The following TATDN2 variants were observed in gnomAD, a reference collection of about 807,000 sequenced individuals.
The protein encoded by TATDN2 is 3'-5' RNA nuclease TATDN2.
In TATDN2, 44 loss-of-function variants were observed where a neutral mutation model predicts 60.3. The ratio of observed to expected loss-of-function variants is 0.73; its 90% CI spans 0.57 to 0.94. The LOEUF is 0.94. Ranked by LOEUF, TATDN2 falls within the 40% of genes least tolerant of loss-of-function variation. The pLI, the probability that TATDN2 is intolerant of heterozygous loss-of-function variation, is 0.00. For missense variants in TATDN2, 997 were observed against 948.0 expected (o/e 1.05, Z -0.68); for synonymous variants, 399 against 355.8 (o/e 1.12, Z -1.37).
chr3:10,254,980 TC>T (rs747443004), intron 2 of TATDN2, among the ~76,000 whole-genome samples: 2 of 141,830 alleles, frequency 1.4e-5, no homozygotes, highest in Non-Finnish European at 3.0e-5. Context: ...TCTCTTTTTT[TC>T]CCCCTTCCCC....
In TATDN2 at chr3:10,260,669, AG is replaced by A; in HGVS notation, c.948+1del. 6.2e-7 allele frequency: 1 copy of A among 1,611,050 alleles called. No individual in the cohort carries two copies. Among genetic ancestry groups the A allele is most frequent in the Middle Eastern group, 1.7e-4 (1 of 6,050 alleles). On this transcript the variant is annotated frameshift_variant and splice_region_variant, in exon 3 of 8. Transcript: ENST00000448281. LOFTEE classifies it high-confidence loss of function. Reference protein sequence around the residue: ...DDSDSHLEIQKHKDREVVMEH... With the variant: ...DDSDSHLEIQXHKDREVVMEH... ...TCTGACTCTCATTTAGAAATCCAAA[AG>A]GTGAGTAAAGCTTGTACCAGGCATC...
chr3:10,281,168 C>T lies in TATDN2; in HGVS notation c.*1986C>T, dbSNP rs959750601. 6.6e-6 allele frequency: 1 copy of T among 152,004 alleles called. No homozygotes were observed. The highest frequency in any genetic ancestry group is 2.4e-5 in the African/African-American group (1 of 41,362). 9.4% of individuals were successfully genotyped at this position (152,004 alleles called of 1,614,324 possible). ...TGTGGGAATGCCTCTGTATTTTTTC[C>T]CCTCTTTGGCCATCTTTTTCTGAAA... On this transcript the variant is annotated 3_prime_UTR_variant, in exon 8 of 8. Transcript: ENST00000448281.
At chr3:10,273,786 C>T (rs1698598737) in intron 4 of TATDN2, among the ~76,000 whole-genome samples, 1 of 152,144 alleles carries the variant, frequency 6.6e-6, no homozygotes, top group African/African-American at 2.4e-5. Flanking sequence ...GAGCAAATTA[C>T]TGTTAACGTT....
chr3:10,255,787 C>T lies in TATDN2; in HGVS notation c.415-4350C>T, dbSNP rs377118313. ...AGAAACCTCGTCTCTACCAAAAATACGAAATGTAGCTGGGTGTGGTAGCAC... is the reference window on the plus strand; with the variant it reads ...AGAAACCTCGTCTCTACCAAAAATATGAAATGTAGCTGGGTGTGGTAGCAC... On this transcript the variant is annotated intron_variant, in intron 2 of 7. Transcript: ENST00000448281. Among the ~76,000 whole-genome samples the T allele has an allele frequency of 1.0e-3, 156 of 152,198 alleles. 3 individuals carry two copies. Among genetic ancestry groups the T allele is most frequent in the Middle Eastern group, 0.01 (3 of 294 alleles).
intron 2 of TATDN2, among the ~76,000 whole-genome samples, chr3:10,253,499 C>T (rs778177993): frequency 6.6e-6 from 1 of 152,202 alleles, no homozygotes; most frequent in Admixed American, 6.5e-5. Flanking sequence ...GGAGATGTTT[C>T]ATGTTAGCTG....
At chr3:10,264,998 T>G (rs1215632202) in intron 3 of TATDN2, among the ~76,000 whole-genome samples, 2 of 143,806 alleles carry the variant, frequency 1.4e-5, no homozygotes, top group Non-Finnish European at 3.0e-5. Context: ...CTAACGTTTA[T>G]GTTGATTTTT....
At chr3:10,267,507 A>T (rs1391493837) in intron 3 of TATDN2, among the ~76,000 whole-genome samples, 1 of 152,190 alleles carries the variant, frequency 6.6e-6, no homozygotes, top group Non-Finnish European at 1.5e-5. Context: ...TGAGAACTGT[A>T]TGTGGCAATT....
rs1299777947 is a variant in TATDN2, at chr3:10,278,907, A to G, written c.2168A>G (p.Tyr723Cys). The G allele has an allele frequency of 1.2e-6, 2 of 1,613,606 alleles. No individual in the cohort carries two copies. The highest frequency in any genetic ancestry group is 1.7e-6 in the Non-Finnish European group (2 of 1,179,902). Residue 723 changes from tyrosine to cysteine, a missense_variant, in exon 7 of 8, where the codon TAT (tyrosine) becomes TGT (cysteine). Tyr to Cys is a radical substitution (Grantham distance 194, BLOSUM62 -2). Coordinates refer to ENST00000448281, the MANE Select transcript of TATDN2 (RefSeq NM_014760.4). This position sits in a 1 kb window ranked among gnomAD's most constrained non-coding sequence, Gnocchi z 4.7. ...CAGGTTCCCAAAAGCCTTTGCCAGT[A>G]TGCCCACCCGGGCCTGGCCTTGCAT... is the stretch of plus-strand genomic sequence containing the variant. ...PRQVPKSLCQYAHPGLALHTV... is the reference protein window; with the variant it reads ...PRQVPKSLCQCAHPGLALHTV...
Position 10,249,297 on chromosome 3 carries a change from GC to G in TATDN2, c.102del (p.Ser35ProfsTer21). ...RSCLREPCDV[A>X]PSSRPAQRSA... ...CTGCCTCCGGGAGCCCTGTGATGTG[GC>G]CCCCTCCAGCCGGCCAGCTCAGAGG... On this transcript the variant is annotated frameshift_variant, in exon 2 of 8. Coordinates refer to ENST00000448281, the MANE Select transcript of TATDN2 (RefSeq NM_014760.4). LOFTEE classifies it high-confidence loss of function. The G allele has an allele frequency of 6.2e-7, 1 of 1,604,860 alleles. No homozygotes were observed.
intron 4 of TATDN2, among the ~76,000 whole-genome samples, chr3:10,275,122 A>AT (rs931527480): frequency 6.6e-6 from 1 of 151,002 alleles, no homozygotes; most frequent in African/African-American, 2.4e-5. Context: ...AGTAGCTGGG[A>AT]TTATAGGCAC....
At chr3:10,252,750 G>A in intron 2 of TATDN2, among the ~76,000 whole-genome samples, 1 of 151,404 alleles carries the variant, frequency 6.6e-6, no homozygotes, top group Non-Finnish European at 1.5e-5. Flanking sequence ...GAGTGCACTG[G>A]CATGATCATA....
At chr3:10,267,681 G>A (rs183330702) in intron 3 of TATDN2, among the ~76,000 whole-genome samples, 13 of 152,328 alleles carry the variant, frequency 8.5e-5, no homozygotes, top group African/African-American at 3.1e-4. Flanking sequence ...TTTATTCCAA[G>A]TTGCAAATAG....
intron 3 of TATDN2, among the ~76,000 whole-genome samples, chr3:10,263,942 A>G (rs1447395047): frequency 6.6e-6 from 1 of 151,964 alleles, no homozygotes; most frequent in Non-Finnish European, 1.5e-5. Context: ...TGCCCAGAGG[A>G]GTGTTTTTCA....
At chr3:10,262,579 A>AG (rs1464363952) in intron 3 of TATDN2, among the ~76,000 whole-genome samples, 1 of 115,544 alleles carries the variant, frequency 8.7e-6, no homozygotes, top group Admixed American at 1.4e-4. Context: ...TGTCTTGCCC[A>AG]GGCTGGAGTG....
intron 2 of TATDN2, among the ~76,000 whole-genome samples, chr3:10,255,831 ACTCAGGAGG>A (rs1162403266): frequency 6.6e-6 from 1 of 152,076 alleles, no homozygotes; most frequent in Non-Finnish European, 1.5e-5. Flanking sequence ...AATCCCAACT[ACTCAGGAGG>A]CTGAGGCAGG....
chr3:10,255,092 C>T (rs1698288872), intron 2 of TATDN2, among the ~76,000 whole-genome samples: 5 of 143,248 alleles, frequency 3.5e-5, no homozygotes, highest in African/African-American at 7.6e-5. Flanking sequence ...CTCACTGCAT[C>T]CTTGACCTCC....
rs1169157476 is a variant in TATDN2, at chr3:10,260,231, T to C, written c.509T>C (p.Val170Ala). Residue 170 changes from valine to alanine, a missense_variant, in exon 3 of 8, where the codon GTC becomes GCC. Coordinates refer to ENST00000448281, the MANE Select transcript of TATDN2 (RefSeq NM_014760.4). ...GATACAATTGAGGAACCCAACAAGG[T>C]CCAGAAAAGGAAGAGGGATAGACTT... Reference protein sequence around the residue: ...QNDTIEEPNKVQKRKRDRLRD... With the variant: ...QNDTIEEPNKAQKRKRDRLRD... The C allele has an allele frequency of 6.2e-7, 1 of 1,613,618 alleles. No individual in the cohort carries two copies. The highest frequency in any genetic ancestry group is 1.1e-5 in the South Asian group (1 of 91,034).
chr3:10,256,284 C>G (rs1453905484), intron 2 of TATDN2, among the ~76,000 whole-genome samples: 2 of 150,898 alleles, frequency 1.3e-5, no homozygotes, highest in Admixed American at 6.6e-5. Context: ...AGCAATCCTT[C>G]TGTCTCAGCT....
intron 3 of TATDN2, among the ~76,000 whole-genome samples, chr3:10,264,940 T>C (rs1698455548): frequency 6.6e-6 from 1 of 151,152 alleles, no homozygotes; most frequent in South Asian, 2.1e-4. Flanking sequence ...CCTCCCAAAG[T>C]GCTGGGATTA....
Sources: gnomAD v4.1 joint callset for allele counts (sites outside exome capture counted in the v4.1 genomes callset) on GRCh38, gnomAD v4.1.1 for gene constraint, Gnocchi (gnomAD v3.1) non-coding constraint, MANE v1.5 for transcripts, NCBI Gene and HGNC (gene_info 2026-07-23, HGNC 2026-07-21) for gene names.